The following NFAT5 variants were observed in gnomAD, a reference collection of about 807,000 sequenced individuals.
NFAT5 encodes nuclear factor of activated T cells 5.
A neutral mutation model predicts 166.5 loss-of-function variants in NFAT5; 31 were observed. The observed-to-expected ratio is 0.19, with a 90% CI of 0.14 to 0.25. NFAT5 has a LOEUF of 0.25. Among genes scored for constraint, NFAT5 ranks in the 10% least tolerant of loss-of-function variants. The pLI is 1.00. For missense variants in NFAT5, 1,449 were observed against 1,821.8 expected, an observed-to-expected ratio of 0.80 and a Z score of 3.72; for synonymous variants, 612 against 639.7, an observed-to-expected ratio of 0.96 and a Z score of 0.65.
intron 2 of NFAT5, among the ~76,000 whole-genome samples, chr16:69,618,939 G>A (rs2034078370): frequency 6.6e-6 from 1 of 152,078 alleles, no homozygotes; most frequent in Non-Finnish European, 1.5e-5. Context: ...TTTTACCACA[G>A]ATATTTATTT....
At chr16:69,611,530 G>A (rs1460043743) in intron 2 of NFAT5, among the ~76,000 whole-genome samples, 1 of 152,206 alleles carries the variant, frequency 6.6e-6, no homozygotes, top group African/African-American at 2.4e-5. Flanking sequence ...ATAAACAATA[G>A]AAATGTATTG....
chr16:69,633,455 G>A (rs2034807939), intron 3 of NFAT5, among the ~76,000 whole-genome samples: 1 of 152,096 alleles, frequency 6.6e-6, no homozygotes, highest in African/African-American at 2.4e-5. Flanking sequence ...TTATAAGAAA[G>A]GAACTTCACC....
At position 69,588,021 on chromosome 16, in the gene NFAT5, C is replaced by T. The variant is rs1477941763; in HGVS notation, c.127+19473C>T. Reference sequence around the variant, plus strand: ...AGGCTGGAGTGCAGTGGTATGATTCCGGCTTACTGCAACCTCTGCCTCCCA... The same window carrying T: ...AGGCTGGAGTGCAGTGGTATGATTCTGGCTTACTGCAACCTCTGCCTCCCA... On this transcript the variant is annotated intron_variant, in intron 2 of 14. Coordinates refer to ENST00000349945, the MANE Select transcript of NFAT5 (RefSeq NM_138713.4). 3.7e-5 allele frequency among the ~76,000 whole-genome samples: 5 copies of T among 136,864 alleles called. No homozygotes were observed. In the East Asian group the frequency reaches 8.7e-4, roughly 24 times the overall value. The allele number at this position is 136,864 out of a possible 152,430, so 89.8% of individuals were successfully genotyped here. A position where few individuals can be genotyped will look rare whatever the true frequency, so the allele number is the denominator to read the frequency against.
chr16:69,643,242 A>G (rs2035293616), intron 3 of NFAT5, among the ~76,000 whole-genome samples: 1 of 151,156 alleles, frequency 6.6e-6, no homozygotes, highest in Non-Finnish European at 1.5e-5. Flanking sequence ...AAAAGAATAT[A>G]TAGACGGGTC....
chr16:69,688,205 A>AAAAAAAAC (rs2037395198), intron 11 of NFAT5, among the ~76,000 whole-genome samples: 2 of 101,374 alleles, frequency 2.0e-5, no homozygotes, highest in African/African-American at 1.0e-4. Flanking sequence ...TCCGTCTCAA[A>AAAAAAAAC]AAAAAAAAAA....
intron 3 of NFAT5, among the ~76,000 whole-genome samples, 196 bp downstream of exon 3, chr16:69,626,724 A>C (rs2034476649): frequency 6.6e-6 from 1 of 152,224 alleles, no homozygotes; most frequent in African/African-American, 2.4e-5. Flanking sequence ...TTAAAATTTT[A>C]CATTGTCTCA....
chr16:69,648,091 G>A (rs1035422043), intron 4 of NFAT5: 14 of 327,480 alleles, frequency 4.3e-5, no homozygotes, highest in African/African-American at 6.8e-5. Context: ...CAGGGGAATC[G>A]CTTGAACCCA....
intron 2 of NFAT5, among the ~76,000 whole-genome samples, chr16:69,616,671 A>G (rs1157964587): frequency 6.6e-6 from 1 of 151,826 alleles, no homozygotes. Flanking sequence ...ACAGATATTC[A>G]TATATTCTTC....
intron 2 of NFAT5, among the ~76,000 whole-genome samples, chr16:69,582,002 T>C (rs1339854791): frequency 1.3e-5 from 2 of 152,134 alleles, no homozygotes; most frequent in African/African-American, 4.8e-5. Context: ...CAGTGGCTCA[T>C]GCCTGTAATC....
intron 2 of NFAT5, among the ~76,000 whole-genome samples, chr16:69,612,834 C>T (rs1162349641): frequency 6.6e-6 from 1 of 150,892 alleles, no homozygotes; most frequent in Non-Finnish European, 1.5e-5. Context: ...GTGATCGTGT[C>T]ACTGGGTGAC....
intron 11 of NFAT5, among the ~76,000 whole-genome samples, chr16:69,688,604 T>C (rs2037424838): frequency 6.6e-6 from 1 of 152,134 alleles, no homozygotes; most frequent in Admixed American, 6.6e-5. Flanking sequence ...CCTGACCTCG[T>C]GGTCCACCCA....
chr16:69,660,976 A>T (rs551181010), intron 7 of NFAT5, among the ~76,000 whole-genome samples: 1 of 150,602 alleles, frequency 6.6e-6, no homozygotes, highest in South Asian at 2.1e-4. Flanking sequence ...CACCTGGCTA[A>T]TTTTTGTATT....
chr16:69,570,433 C>A (rs1025863804), intron 2 of NFAT5, among the ~76,000 whole-genome samples: 2 of 151,938 alleles, frequency 1.3e-5, no homozygotes, highest in Non-Finnish European at 2.9e-5. Flanking sequence ...ACAGTTTAAC[C>A]AGTATCTAAT....
intron 9 of NFAT5, 166 bp from the exon 10 acceptor site, chr16:69,677,037 G>A (rs1455526577): frequency 3.3e-6 from 2 of 604,746 alleles, no homozygotes. Context: ...CTTAAAAGCA[G>A]TGTTAAGATT....
At chr16:69,691,371 C>CT (rs113346041) in intron 12 of NFAT5, among the ~76,000 whole-genome samples, 5 of 151,704 alleles carry the variant, frequency 3.3e-5, no homozygotes, top group African/African-American at 4.8e-5. Context: ...CTTTCTGTTT[C>CT]TTTTTTTTAC....
At chr16:69,658,300 T>C (rs2035978226) in intron 6 of NFAT5, among the ~76,000 whole-genome samples, 9 of 151,494 alleles carry the variant, frequency 5.9e-5, no homozygotes, top group Admixed American at 5.9e-4. Context: ...CTGGCCAACA[T>C]GGCGAAACCC....
chr16:69,584,192 C>G (rs1421302888), intron 2 of NFAT5, among the ~76,000 whole-genome samples: 1 of 152,028 alleles, frequency 6.6e-6, no homozygotes, highest in Non-Finnish European at 1.5e-5. Context: ...TGCCACTGCA[C>G]TCCAGCCTGG....
chr16:69,642,311 G>A (rs2035248781), intron 3 of NFAT5, among the ~76,000 whole-genome samples: 1 of 152,058 alleles, frequency 6.6e-6, no homozygotes, highest in African/African-American at 2.4e-5. Context: ...ACTGGCATTT[G>A]GTCTGATAAC....
At chr16:69,629,670 C>T (rs996908090) in intron 3 of NFAT5, among the ~76,000 whole-genome samples, 3 of 151,136 alleles carry the variant, frequency 2.0e-5, no homozygotes, top group Admixed American at 6.6e-5. Context: ...GGCTGGAGTG[C>T]GAGGTGCGAT....
Sources: gnomAD v4.1 joint callset for allele counts (sites outside exome capture counted in the v4.1 genomes callset) on GRCh38, gnomAD v4.1.1 for gene constraint, MANE v1.5 for transcripts, NCBI Gene and HGNC (gene_info 2026-07-23, HGNC 2026-07-21) for gene names.